SRGAP2: variants seen among roughly 807,000 people sequenced by gnomAD.
SRGAP2 encodes the protein SLIT-ROBO Rho GTPase-activating protein 2.
In SRGAP2, 15 loss-of-function variants were observed where a neutral mutation model predicts 57.2. The ratio of observed to expected loss-of-function variants is 0.26; its 90% CI spans 0.18 to 0.40. SRGAP2 has a LOEUF of 0.40. Among genes scored for constraint, SRGAP2 ranks in the 10% least tolerant of loss-of-function variants. The probability of loss-of-function intolerance (pLI) is 1.00; values close to 1 mark genes in which losing one functional copy is unlikely to be tolerated. For synonymous variants in SRGAP2, 249 were observed against 248.0 expected (o/e 1.00, Z -0.04); for missense variants, 520 against 669.6 (o/e 0.78, Z 2.47).
chr1:206,438,580 G>A (rs1431815064), intron 16 of SRGAP2, among the ~76,000 whole-genome samples: 1 of 152,200 alleles, frequency 6.6e-6, no homozygotes, highest in Non-Finnish European at 1.5e-5. Context: ...TTTTCCCAAA[G>A]AGAAAGGTAT....
At chr1:206,415,165 G>A (rs1659576748) in intron 10 of SRGAP2, among the ~76,000 whole-genome samples, 1 of 152,216 alleles carries the variant, frequency 6.6e-6, no homozygotes, top group South Asian at 2.1e-4. Flanking sequence ...GGGACATACG[G>A]TCTCTCACTG....
At chr1:206,432,410 C>G (rs1402300551) in intron 14 of SRGAP2, among the ~76,000 whole-genome samples, 1 of 152,136 alleles carries the variant, frequency 6.6e-6, no homozygotes, top group African/African-American at 2.4e-5. Context: ...CCAGCAGATC[C>G]TAGGAATTCT....
intron 19 of SRGAP2, among the ~76,000 whole-genome samples, chr1:206,451,531 T>C (rs782352340): frequency 5.3e-5 from 8 of 151,836 alleles, no homozygotes; most frequent in Non-Finnish European, 8.8e-5. Flanking sequence ...CCCTGTTCCC[T>C]GCCTTGCTGG....
intron 17 of SRGAP2, among the ~76,000 whole-genome samples, chr1:206,442,439 C>T (rs1662388906): frequency 6.6e-6 from 1 of 152,176 alleles, no homozygotes; most frequent in South Asian, 2.1e-4. Flanking sequence ...CTCGTCTGTG[C>T]CCCCAGAGCT....
At chr1:206,281,989 A>T (rs1670767802) in intron 2 of SRGAP2, among the ~76,000 whole-genome samples, 1 of 147,502 alleles carries the variant, frequency 6.8e-6, no homozygotes, top group Non-Finnish European at 1.5e-5. Context: ...ATTGATTTTT[A>T]AAATTACTAA....
At chr1:206,298,754 A>G (rs1190086200) in intron 2 of SRGAP2, among the ~76,000 whole-genome samples, 1 of 152,250 alleles carries the variant, frequency 6.6e-6, no homozygotes. Flanking sequence ...TTAAAAAAAC[A>G]TAATAAGAAA....
At chr1:206,363,497 ATC>A (rs1677061555) in intron 4 of SRGAP2, among the ~76,000 whole-genome samples, 1 of 152,090 alleles carries the variant, frequency 6.6e-6, no homozygotes, top group African/African-American at 2.4e-5. Context: ...TAATACTATA[ATC>A]TCTCAATCTT....
chr1:206,381,346 G>C (rs1418705272), intron 4 of SRGAP2, among the ~76,000 whole-genome samples: 1 of 129,864 alleles, frequency 7.7e-6, no homozygotes, highest in African/African-American at 3.0e-5. Flanking sequence ...TAGGCTGGCA[G>C]GGGGAGATGG....
At chr1:206,291,267 G>C (rs1571773821) in intron 2 of SRGAP2, among the ~76,000 whole-genome samples, 1 of 152,060 alleles carries the variant, frequency 6.6e-6, no homozygotes, top group Non-Finnish European at 1.5e-5. Context: ...GTTACTGTCT[G>C]AGTGAGCTTA....
intron 1 of SRGAP2, 150 bp from the exon 2 acceptor site, chr1:206,205,279 C>G (rs1665812282): frequency 1.4e-5 from 2 of 144,838 alleles, no homozygotes; most frequent in Non-Finnish European, 3.0e-5. Context: ...CTCCCCACCT[C>G]GTAGCGCCAG....
chr1:206,240,989 G>A (rs1362983966), intron 2 of SRGAP2, among the ~76,000 whole-genome samples: 4 of 152,188 alleles, frequency 2.6e-5, no homozygotes, highest in South Asian at 4.1e-4. Flanking sequence ...TTCGAGAGCA[G>A]CCTGGGCAAC....
Position 206,420,234 on chromosome 1 carries a change from G to T in SRGAP2, c.1469+834G>T, listed in dbSNP as rs1660179211. ...TACAATTATAGGTTCATTATTTAGA[G>T]ATAGCTTCATTTGGCTTTCATTGTT... On this transcript the variant is annotated intron_variant, in intron 12 of 22. Coordinates refer to ENST00000573034, the MANE Select transcript of SRGAP2 (RefSeq NM_015326.5). Among the ~76,000 whole-genome samples, 6 of 152,166 alleles carry T rather than the reference G, an allele frequency of 3.9e-5. No homozygotes were observed. In the South Asian group the frequency reaches 1.2e-3, roughly 32 times the overall value.
At chr1:206,449,099 C>T (rs1183447603) in intron 18 of SRGAP2, among the ~76,000 whole-genome samples, 4 of 152,036 alleles carry the variant, frequency 2.6e-5, no homozygotes, top group African/African-American at 9.7e-5. Flanking sequence ...GCCTGGAAAG[C>T]CTCACCTGTT....
At chr1:206,411,474 CATTTAAAGTTTACTCT>C (rs1397172304) in intron 10 of SRGAP2, among the ~76,000 whole-genome samples, 1 of 152,176 alleles carries the variant, frequency 6.6e-6, no homozygotes, top group African/African-American at 2.4e-5. Flanking sequence ...AGACATGCTC[CATTTAAAGTTTACTCT>C]ATTATGTATT....
At chr1:206,409,836 C>T (rs1553358808) in intron 10 of SRGAP2, among the ~76,000 whole-genome samples, 2 of 149,250 alleles carry the variant, frequency 1.3e-5, no homozygotes, top group Non-Finnish European at 3.0e-5. Flanking sequence ...TGGTGGCTCA[C>T]GCCTGTAATC....
At chr1:206,363,070 T>C (rs1373738951) in intron 4 of SRGAP2, among the ~76,000 whole-genome samples, 34 of 150,938 alleles carry the variant, frequency 2.3e-4, no homozygotes, top group African/African-American at 8.3e-4. Flanking sequence ...GAGGGGAGCA[T>C]AGGGGATTTC....
intron 2 of SRGAP2, among the ~76,000 whole-genome samples, chr1:206,240,268 A>G (rs1553308908): frequency 1.4e-5 from 2 of 144,682 alleles, no homozygotes; most frequent in Admixed American, 6.9e-5. Context: ...AACGTCTCAA[A>G]AAAAAAAAAA....
Position 206,386,796 on chromosome 1 carries a change from C to CA in SRGAP2, c.486+2734dup, listed in dbSNP as rs1225123382. ...CCTGGGCAACAGAGCGAGACTGTCT[C>CA]AAAAAAAAAAAAAAGAAAAAGGAAA... On this transcript the variant is annotated intron_variant, in intron 5 of 22. Transcript: ENST00000573034. 8.7e-3 allele frequency among the ~76,000 whole-genome samples: 785 copies of CA among 90,264 alleles called. 4 individuals are homozygous for CA. Among genetic ancestry groups the CA allele is most frequent in the Middle Eastern group, 0.044 (5 of 114 alleles). The allele number at this position is 90,264 out of a possible 152,430, so 59.2% of individuals were successfully genotyped here. A position where few individuals can be genotyped will look rare whatever the true frequency, so the allele number is the denominator to read the frequency against.
intron 14 of SRGAP2, among the ~76,000 whole-genome samples, chr1:206,431,088 C>A (rs1661244563): frequency 6.6e-6 from 1 of 152,206 alleles, no homozygotes; most frequent in South Asian, 2.1e-4. Flanking sequence ...CTCTCTCCCT[C>A]TCCTTGTCTT....
Sources: gnomAD v4.1 joint callset for allele counts (sites outside exome capture counted in the v4.1 genomes callset) on GRCh38, gnomAD v4.1.1 for gene constraint, MANE v1.5 for transcripts, NCBI Gene and HGNC (gene_info 2026-07-23, HGNC 2026-07-21) for gene names.